Variants in CAPN13 observed in about 807,000 individuals in gnomAD.
CAPN13 encodes the protein calpain 13, also known as calpain-13.
CAPN13 carries 90 observed loss-of-function variants against 98.4 expected under a neutral mutation model. The observed-to-expected ratio is 0.92, with a 90% CI of 0.77 to 1.09. CAPN13 has a LOEUF of 1.09. Ranked by LOEUF, CAPN13 falls within the 50% of genes least tolerant of loss-of-function variation. CAPN13 has a pLI of 0.00. For missense variants in CAPN13, 887 were observed against 841.3 expected (o/e 1.05, Z -0.67); for synonymous variants, 330 against 305.5 (o/e 1.08, Z -0.84).
chr2:30,751,045 C>G, intron 11 of CAPN13, 58 bp downstream of exon 11: 1 of 1,577,862 alleles, frequency 6.3e-7, no homozygotes, highest in Admixed American at 1.8e-5. Context: ...CTGTTCTCCC[C>G]AACTCAAGGT....
chr2:30,747,764 C>A (rs1199201237), intron 11 of CAPN13, among the ~76,000 whole-genome samples: 5 of 152,198 alleles, frequency 3.3e-5, no homozygotes, highest in African/African-American at 1.2e-4. Context: ...TGTTTCTCAG[C>A]TGAACTGTGA....
chr2:30,781,187 C>T (rs558921004), intron 2 of CAPN13, among the ~76,000 whole-genome samples: 6 of 152,132 alleles, frequency 3.9e-5, no homozygotes, highest in African/African-American at 4.8e-5. Context: ...AGAAGTTGAC[C>T]GATTTGTTCC....
chr2:30,760,829 T>A (rs1672815636), intron 7 of CAPN13, among the ~76,000 whole-genome samples: 1 of 152,180 alleles, frequency 6.6e-6, no homozygotes, highest in Non-Finnish European at 1.5e-5. Flanking sequence ...TGGCTACACC[T>A]GAGAATGGGC....
intron 11 of CAPN13, among the ~76,000 whole-genome samples, chr2:30,750,735 C>A (rs1011181415): frequency 6.6e-6 from 1 of 152,198 alleles, no homozygotes; most frequent in African/African-American, 2.4e-5. Flanking sequence ...GATTTTCAGG[C>A]TCTGTCCTTA....
intron 13 of CAPN13, chr2:30,743,028 C>T (rs138020802): frequency 1.3e-3 from 349 of 278,758 alleles, no homozygotes; most frequent in African/African-American, 7.3e-3. Context: ...ACCTACCTTC[C>T]CATGGCTACC....
At chr2:30,731,214 G>C (rs1671071423) in intron 21 of CAPN13, 130 bp downstream of exon 21, 1 of 737,584 alleles carries the variant, frequency 1.4e-6, no homozygotes, top group Non-Finnish European at 2.1e-6. Flanking sequence ...GTAATTGGAG[G>C]TTGGGGGGAC....
At chr2:30,800,119 AG>A (rs1675132287) in intron 1 of CAPN13, among the ~76,000 whole-genome samples, 2 of 77,724 alleles carry the variant, frequency 2.6e-5, no homozygotes, top group East Asian at 6.6e-4. Flanking sequence ...AAGAAAGAAA[AG>A]AAAGAAAGAA....
chr2:30,763,856 T>C (rs1326500490), intron 6 of CAPN13, among the ~76,000 whole-genome samples: 1 of 152,232 alleles, frequency 6.6e-6, no homozygotes, highest in Non-Finnish European at 1.5e-5. Flanking sequence ...GCAGCAGCAT[T>C]GGAAGACTTG....
intron 8 of CAPN13, among the ~76,000 whole-genome samples, chr2:30,756,878 T>C (rs1672478952): frequency 6.6e-6 from 1 of 152,166 alleles, no homozygotes; most frequent in African/African-American, 2.4e-5. Context: ...TCATCCCTTA[T>C]TCCATCTCCG....
intron 1 of CAPN13, among the ~76,000 whole-genome samples, chr2:30,788,636 T>C (rs1674451067): frequency 6.6e-6 from 1 of 152,222 alleles, no homozygotes; most frequent in Admixed American, 6.5e-5. Flanking sequence ...AAGCAGGTGA[T>C]AATGAATGAG....
intron 11 of CAPN13, among the ~76,000 whole-genome samples, chr2:30,750,855 C>A (rs1672138872): frequency 6.6e-6 from 1 of 152,172 alleles, no homozygotes; most frequent in Non-Finnish European, 1.5e-5. Context: ...CTGCAGCATC[C>A]CAGAAAACGC....
At chr2:30,725,372 T>C (rs2103476515) in intron 22 of CAPN13, among the ~76,000 whole-genome samples, 1 of 152,318 alleles carries the variant, frequency 6.6e-6, no homozygotes. Context: ...CAGTTGCATA[T>C]ACCTATATCC....
intron 15 of CAPN13, among the ~76,000 whole-genome samples, chr2:30,740,715 G>A (rs1671610510): frequency 6.6e-6 from 1 of 152,238 alleles, no homozygotes; most frequent in South Asian, 2.1e-4. Flanking sequence ...CTTGGCTGTT[G>A]TTTGGAAAAG....
Position 30,741,700 on chromosome 2 carries a change from C to T in CAPN13, c.1536+208G>A, listed in dbSNP as rs189026478. 27 of 1,416,024 alleles carry T rather than the reference C, an allele frequency of 1.9e-5. No homozygotes were observed. In the African/African-American group the frequency reaches 3.7e-4, roughly 20 times the overall value. The allele number at this position is 1,416,024 out of a possible 1,614,324, so 87.7% of individuals were successfully genotyped here. A position where few individuals can be genotyped will look rare whatever the true frequency, so the allele number is the denominator to read the frequency against. ...AGCTCTGCATTCCAGCTTGAAGTCC[C>T]CCGGATGACACTGGGTGGGGCGCCA... On this transcript the variant is annotated intron_variant, in intron 15 of 22. Coordinates refer to ENST00000295055, the MANE Select transcript of CAPN13 (RefSeq NM_144575.3).
In CAPN13 at chr2:30,796,211, TAC is replaced by T. The variant is rs1270706487; in HGVS notation, c.-32-8856_-32-8855del. 4.7e-3 allele frequency among the ~76,000 whole-genome samples: 505 copies of T among 106,712 alleles called. 7 individuals are homozygous for T. The highest frequency in any genetic ancestry group is 0.015 in the African/African-American group (431 of 29,628). 70.0% of individuals were successfully genotyped at this position (106,712 alleles called of 152,430 possible). On this transcript the variant is annotated intron_variant, in intron 1 of 22. Coordinates refer to ENST00000295055, the MANE Select transcript of CAPN13 (RefSeq NM_144575.3). ...ATATATATGTGTGTGTATATATATA[TAC>T]ACATATATATGTATATATATATGTG...
chr2:30,794,695 C>A (rs1372030979), intron 1 of CAPN13, among the ~76,000 whole-genome samples: 2 of 151,950 alleles, frequency 1.3e-5, no homozygotes, highest in Non-Finnish European at 3.0e-5. Flanking sequence ...AAGTACTACT[C>A]AGCAATAAAA....
In CAPN13 at chr2:30,731,332, A is replaced by G; in HGVS notation, c.1983+12T>C. On this transcript the variant is annotated intron_variant, in intron 21 of 22. Coordinates refer to ENST00000295055, the MANE Select transcript of CAPN13 (RefSeq NM_144575.3). ...GGACTGTGCCTGCCCCGGGGAGGGG[A>G]AGGTACCTCACCTCCATTTCTGTCA... The G allele has an allele frequency of 6.2e-7, 1 of 1,606,228 alleles. No homozygotes were observed. Among genetic ancestry groups the G allele is most frequent in the Non-Finnish European group, 8.5e-7 (1 of 1,176,074 alleles).
At chr2:30,737,746 A>T (rs1006067965) in intron 17 of CAPN13, 6 of 161,262 alleles carry the variant, frequency 3.7e-5, no homozygotes, top group African/African-American at 1.4e-4. Flanking sequence ...GAATGGGTAA[A>T]AGGGAAAATA....
chr2:30,764,023 G>A (rs1284871890), intron 6 of CAPN13, 109 bp downstream of exon 6: 7 of 1,127,560 alleles, frequency 6.2e-6, no homozygotes, highest in African/African-American at 1.5e-5. Flanking sequence ...ATCAGTGTTC[G>A]TTAATGGTGG....
Sources: gnomAD v4.1 joint callset for allele counts (sites outside exome capture counted in the v4.1 genomes callset) on GRCh38, gnomAD v4.1.1 for gene constraint, MANE v1.5 for transcripts, NCBI Gene and HGNC (gene_info 2026-07-23, HGNC 2026-07-21) for gene names.